SLFN13: variants seen among roughly 807,000 people sequenced by gnomAD.
The protein encoded by SLFN13 is schlafen family member 13, also known as schlafen-13.
SLFN13 carries 43 observed loss-of-function variants against 50.6 expected under a neutral mutation model. The ratio of observed to expected loss-of-function variants is 0.85; its 90% CI spans 0.67 to 1.09. The LOEUF (loss-of-function observed/expected upper bound fraction) is 1.09. SLFN13 is among the 50% of genes least tolerant of loss of function. The probability of loss-of-function intolerance (pLI) is 0.00; values close to 1 mark genes in which losing one functional copy is unlikely to be tolerated. For missense variants in SLFN13, 881 were observed against 1,071.1 expected (o/e 0.82, Z 2.48); for synonymous variants, 339 against 386.5 (o/e 0.88, Z 1.44).
intron 3 of SLFN13, 181 bp from the exon 4 acceptor site, chr17:35,444,101 T>A (rs1001879844): frequency 1.8e-6 from 1 of 543,206 alleles, no homozygotes; most frequent in Non-Finnish European, 3.1e-6. Context: ...AAAAGCCCTT[T>A]TTCTGATCCT....
chr17:35,447,111 G>C (rs924844357), intron 2 of SLFN13, 157 bp downstream of exon 2: 1 of 152,144 alleles, frequency 6.6e-6, no homozygotes, highest in African/African-American at 2.4e-5. Flanking sequence ...CTCTATCCCA[G>C]CTCTTCCTTT....
chr17:35,442,672 T>C (rs1266270463), intron 4 of SLFN13, among the ~76,000 whole-genome samples: 1 of 152,164 alleles, frequency 6.6e-6, no homozygotes, highest in African/African-American at 2.4e-5. Context: ...CTCGATCTCC[T>C]GACCTCATGA....
intron 2 of SLFN13, chr17:35,446,742 G>A (rs776034228): frequency 6.6e-5 from 10 of 152,280 alleles, no homozygotes; most frequent in Non-Finnish European, 1.3e-4. Context: ...ACCAAAATCA[G>A]TCCTGAAGTA....
chr17:35,441,335 C>G lies in SLFN13; in HGVS notation c.1954G>C (p.Glu652Gln), dbSNP rs3744371. Residue 652 changes from glutamate (E) to glutamine (Q), a missense_variant, in exon 6 of 6, where the codon GAA becomes CAA. Around this residue, in one of 5 missense-constraint regions of SLFN13, gnomAD observed 322 missense variants for 327.4 expected, o/e 0.98. Transcript: ENST00000285013. ...TCAAATTTTTCTCTTAGGAAAGTTT[C>G]CCGGGTCTCTGCTCGGCAGATATTT... ...DRNICRAETRETFLREKFEHI... is the reference protein window; with the variant it reads ...DRNICRAETRQTFLREKFEHI... 1 of 1,610,138 alleles carries G rather than the reference C, an allele frequency of 6.2e-7. No individual in the cohort carries two copies. The highest frequency in any genetic ancestry group is 8.5e-7 in the Non-Finnish European group (1 of 1,178,866).
At chr17:35,443,287 G>A (rs537498822) in intron 4 of SLFN13, among the ~76,000 whole-genome samples, 1 of 152,220 alleles carries the variant, frequency 6.6e-6, no homozygotes, top group South Asian at 2.1e-4. Flanking sequence ...GTTCCCTCTA[G>A]CCTCTTCCAA....
chr17:35,442,279 T>C lies in SLFN13; in HGVS notation c.1206A>G (p.Pro402=). 6.3e-7 allele frequency: 1 copy of C among 1,581,688 alleles called. No individual in the cohort carries two copies. Among genetic ancestry groups the C allele is most frequent in the Non-Finnish European group, 8.6e-7 (1 of 1,164,310 alleles). Reference sequence around the variant, plus strand: ...ACTCTGGAGTACATTCCAAATGTCCTGGTGGAACTAGACAGGAAGAAAATA... The same window carrying C: ...ACTCTGGAGTACATTCCAAATGTCCCGGTGGAACTAGACAGGAAGAAAATA... ...DLQQHLFPVP[P]GHLECTPESL... Residue 402 remains proline (P), a synonymous_variant, in exon 5 of 6, where the codon CCA becomes CCG. Transcript: ENST00000285013.
At chr17:35,441,434 T>G in intron 5 of SLFN13, 68 bp from the exon 6 acceptor site, 2 of 1,573,936 alleles carry the variant, frequency 1.3e-6, no homozygotes, top group Non-Finnish European at 1.7e-6. Flanking sequence ...GATTGTATCA[T>G]GTTCCTCCGA....
At position 35,444,643 on chromosome 17, in the gene SLFN13, C is replaced by T; in HGVS notation, c.1038G>A (p.Trp346Ter). 1 of 1,614,088 alleles carries T rather than the reference C, an allele frequency of 6.2e-7. No homozygotes were observed. Among genetic ancestry groups the T allele is most frequent in the South Asian group, 1.1e-5 (1 of 91,076 alleles). The change falls in exon 3 of 6, where the codon TGG becomes TGA. Residue 346 changes from tryptophan (W) to a stop codon, truncating the protein, a stop_gained. Transcript: ENST00000285013. LOFTEE classifies it high-confidence loss of function. ...GATCTGCGTCCATCATTTTCTCTAC[C>T]CATTCCTCAGTTGTCAAGGGGCGGA... ...KYIRPLTTEEWVEKMMDADPE... is the reference protein window; with the variant it reads ...KYIRPLTTEE
In SLFN13 at chr17:35,439,060, G is replaced by T. The variant is rs1308845980; in HGVS notation, c.*1535C>A. The T allele has an allele frequency of 2.1e-5, 3 of 142,404 alleles. No individual in the cohort carries two copies. The highest frequency in any genetic ancestry group is 1.4e-4 in the Admixed American group (2 of 14,394). The allele number at this position is 142,404 out of a possible 1,614,324, so 8.8% of individuals were successfully genotyped here. ...GACATAGGTGCCAGCAGGGTGGGGG[G>T]GGGGGTTCATTGTGAGGCTTCTCCT... is the stretch of plus-strand genomic sequence containing the variant. On this transcript the variant is annotated 3_prime_UTR_variant, in exon 6 of 6. Coordinates refer to ENST00000285013, the MANE Select transcript of SLFN13 (RefSeq NM_144682.6).
rs765811689 is a variant in SLFN13, at chr17:35,437,725, A to G, written c.*2870T>C. 1.3e-5 allele frequency: 2 copies of G among 152,172 alleles called. No homozygotes were observed. The highest frequency in any genetic ancestry group is 2.9e-5 in the Non-Finnish European group (2 of 68,026). 9.4% of individuals were successfully genotyped at this position (152,172 alleles called of 1,614,324 possible). A position where few individuals can be genotyped will look rare whatever the true frequency, so the allele number is the denominator to read the frequency against. On this transcript the variant is annotated 3_prime_UTR_variant, in exon 6 of 6. Transcript: ENST00000285013. ...TCAGAAATCTTAAAGGAAATAAGCT[A>G]GGTTTAAAAAAATTTTAAAAAGGAG...
At position 35,441,717 on chromosome 17, in the gene SLFN13, G is replaced by A. The variant is rs373161865; in HGVS notation, c.1768C>T (p.Arg590Cys). The change falls in exon 5 of 6, where the codon CGC (arginine) becomes TGC (cysteine). Residue 590 changes from arginine to cysteine, a missense_variant. Transcript: ENST00000285013. ...TGGACAAACAACTCTCTGTTCTTGC[G>A]GAGGCTTCTGGAGAATATCTCATAC... ...QQYEIFSRSL[R>C]KNRELFVHGL... 5.4e-5 allele frequency: 86 copies of A among 1,579,470 alleles called. No homozygotes were observed. The African/African-American group carries it at 6.6e-4, about 12-fold the overall frequency.
chr17:35,439,813 T>G lies in SLFN13; in HGVS notation c.*782A>C, dbSNP rs1912764086. On this transcript the variant is annotated 3_prime_UTR_variant, in exon 6 of 6. Coordinates refer to ENST00000285013, the MANE Select transcript of SLFN13 (RefSeq NM_144682.6). Reference sequence around the variant, plus strand: ...ATTTTTAAAGAAAATCTTTCCCAAGTTTGTTCACCGTACATCTGATACACA... The same window carrying G: ...ATTTTTAAAGAAAATCTTTCCCAAGGTTGTTCACCGTACATCTGATACACA... The G allele has an allele frequency of 6.6e-6, 1 of 152,032 alleles. No homozygotes were observed. The highest frequency in any genetic ancestry group is 6.6e-5 in the Admixed American group (1 of 15,262). 9.4% of individuals were successfully genotyped at this position (152,032 alleles called of 1,614,324 possible).
At chr17:35,444,324 A>T (rs1913076746) in intron 3 of SLFN13, among the ~76,000 whole-genome samples, 1 of 152,240 alleles carries the variant, frequency 6.6e-6, no homozygotes. Context: ...CTGAGGTACA[A>T]GCTAATCACT....
chr17:35,440,433 A>G lies in SLFN13; in HGVS notation c.*162T>C. On this transcript the variant is annotated 3_prime_UTR_variant, in exon 6 of 6. Transcript: ENST00000285013. ...AAAAGAGTTGGGGGAGGAACCCCTG[A>G]AAGGAGAGCCAGAAATGGGGGAGCT... 1 of 848,368 alleles carries G rather than the reference A, an allele frequency of 1.2e-6. No individual in the cohort carries two copies. The highest frequency in any genetic ancestry group is 1.8e-6 in the Non-Finnish European group (1 of 554,596). 52.6% of individuals were successfully genotyped at this position (848,368 alleles called of 1,614,324 possible). A position where few individuals can be genotyped will look rare whatever the true frequency, so the allele number is the denominator to read the frequency against.
chr17:35,448,721 C>T lies in SLFN13; in HGVS notation c.-161+1G>A, dbSNP rs1445032286. 1 of 152,354 alleles carries T rather than the reference C, an allele frequency of 6.6e-6. No homozygotes were observed. The highest frequency in any genetic ancestry group is 2.4e-5 in the African/African-American group (1 of 41,464). The allele number at this position is 152,354 out of a possible 1,614,324, so 9.4% of individuals were successfully genotyped here. On this transcript the variant is annotated splice_donor_variant, in intron 1 of 5. Coordinates refer to ENST00000285013, the MANE Select transcript of SLFN13 (RefSeq NM_144682.6). LOFTEE classifies it low-confidence loss of function (5UTR_SPLICE). Reference sequence around the variant, plus strand: ...CCGTAGGAGCAGGGACCCTCTCTTACCTCTCAAGCTCCAGCGCGTCAAGCT... The same window carrying T: ...CCGTAGGAGCAGGGACCCTCTCTTATCTCTCAAGCTCCAGCGCGTCAAGCT...
At position 35,437,534 on chromosome 17, in the gene SLFN13, A is replaced by G. The variant is rs986907566; in HGVS notation, c.*3061T>C. ...CCAGGTGTTGACTGTTAATTCGTGAAACAAAAGATGTGACCGCTTTCCATG... is the reference window on the plus strand; with the variant it reads ...CCAGGTGTTGACTGTTAATTCGTGAGACAAAAGATGTGACCGCTTTCCATG... On this transcript the variant is annotated 3_prime_UTR_variant, in exon 6 of 6. Transcript: ENST00000285013. 1.3e-5 allele frequency: 2 copies of G among 152,152 alleles called. No homozygotes were observed. The highest frequency in any genetic ancestry group is 2.9e-5 in the Non-Finnish European group (2 of 68,030). 9.4% of individuals were successfully genotyped at this position (152,152 alleles called of 1,614,324 possible). A position where few individuals can be genotyped will look rare whatever the true frequency, so the allele number is the denominator to read the frequency against.
At position 35,439,828 on chromosome 17, in the gene SLFN13, T is replaced by A. The variant is rs1912764813; in HGVS notation, c.*767A>T. On this transcript the variant is annotated 3_prime_UTR_variant, in exon 6 of 6. Transcript: ENST00000285013. Reference sequence around the variant, plus strand: ...CTTTCCCAAGTTTGTTCACCGTACATCTGATACACACTTTCAGAACCAGAT... The same window carrying A: ...CTTTCCCAAGTTTGTTCACCGTACAACTGATACACACTTTCAGAACCAGAT... 6.6e-6 allele frequency: 1 copy of A among 152,098 alleles called. No homozygotes were observed. Among genetic ancestry groups the A allele is most frequent in the African/African-American group, 2.4e-5 (1 of 41,436 alleles). The allele number at this position is 152,098 out of a possible 1,614,324, so 9.4% of individuals were successfully genotyped here. A position where few individuals can be genotyped will look rare whatever the true frequency, so the allele number is the denominator to read the frequency against.
chr17:35,445,764 A>G lies in SLFN13; in HGVS notation c.-13-71T>C, dbSNP rs566728849. On this transcript the variant is annotated intron_variant, in intron 2 of 5. Coordinates refer to ENST00000285013, the MANE Select transcript of SLFN13 (RefSeq NM_144682.6). The stretch of plus-strand genomic sequence containing the variant: ...TACAGGCCTGCAATTCATTTATTAG[A>G]AAATATTTAAAACGTGTCTAATATG... 1.8e-3 allele frequency: 2,138 copies of G among 1,215,790 alleles called. 26 individuals carry two copies. In the South Asian group the frequency reaches 0.02, roughly 11 times the overall value. The allele number at this position is 1,215,790 out of a possible 1,614,324, so 75.3% of individuals were successfully genotyped here. A position where few individuals can be genotyped will look rare whatever the true frequency, so the allele number is the denominator to read the frequency against.
chr17:35,435,114 T>C lies in SLFN13; in HGVS notation c.*5481A>G, dbSNP rs952259891. 4 of 152,122 alleles carry C rather than the reference T, an allele frequency of 2.6e-5. No individual in the cohort carries two copies. The highest frequency in any genetic ancestry group is 2.6e-4 in the Admixed American group (4 of 15,286). The allele number at this position is 152,122 out of a possible 1,614,324, so 9.4% of individuals were successfully genotyped here. A position where few individuals can be genotyped will look rare whatever the true frequency, so the allele number is the denominator to read the frequency against. Reference sequence around the variant, plus strand: ...ATTCACAGAACTTTTAAATTATGTTTTTATTAACTATTGAGTAGAAACAAT... The same window carrying C: ...ATTCACAGAACTTTTAAATTATGTTCTTATTAACTATTGAGTAGAAACAAT... On this transcript the variant is annotated 3_prime_UTR_variant, in exon 6 of 6. Transcript: ENST00000285013.
Sources: allele counts gnomAD v4.1 joint callset (sites outside exome capture counted in the v4.1 genomes callset), GRCh38; gene constraint gnomAD v4.1.1; regional missense constraint gnomAD v4.1.1; transcripts MANE v1.5; gene names NCBI Gene and HGNC (gene_info 2026-07-23, HGNC 2026-07-21).